The following PCDH15 variants were observed in gnomAD, a reference collection of about 807,000 sequenced individuals.
The protein encoded by PCDH15 is protocadherin-15.
Under a neutral mutation model 178.5 loss-of-function variants are expected in PCDH15, and 129 were observed. The ratio of observed to expected loss-of-function variants is 0.72; its 90% CI spans 0.63 to 0.84. The LOEUF is 0.84. PCDH15 is among the 40% of genes least tolerant of loss of function. The probability of loss-of-function intolerance (pLI) is 0.00; values close to 1 mark genes in which losing one functional copy is unlikely to be tolerated. For synonymous variants in PCDH15, 800 were observed against 732.0 expected (o/e 1.09, Z -1.50); for missense variants, 2,230 against 2,099.9 (o/e 1.06, Z -1.21).
chr10:55,364,269 C>T (rs1431035314), intron 2 of PCDH15, among the ~76,000 whole-genome samples: 1 of 152,134 alleles, frequency 6.6e-6, no homozygotes, highest in African/African-American at 2.4e-5. Context: ...ATTACCCAGT[C>T]TCAGGCAGTT....
chr10:54,118,961 G>C (rs1275522980), intron 15 of PCDH15, among the ~76,000 whole-genome samples: 1 of 152,032 alleles, frequency 6.6e-6, no homozygotes, highest in African/African-American at 2.4e-5. Context: ...CCACGATGGT[G>C]TCCAGTTGAT....
At chr10:54,417,883 A>C (rs1196741083) in intron 3 of PCDH15, among the ~76,000 whole-genome samples, 1 of 152,166 alleles carries the variant, frequency 6.6e-6, no homozygotes, top group African/African-American at 2.4e-5. Context: ...GTTATGGTTC[A>C]CAGGTACACA....
intron 2 of PCDH15, among the ~76,000 whole-genome samples, chr10:54,551,724 G>T (rs1177783204): frequency 1.3e-5 from 2 of 151,916 alleles, no homozygotes; most frequent in African/African-American, 4.8e-5. Flanking sequence ...TTTTTTAAAA[G>T]AACTTTCATC....
intron 2 of PCDH15, among the ~76,000 whole-genome samples, chr10:54,547,752 T>A (rs995762547): frequency 3.3e-5 from 5 of 152,106 alleles, no homozygotes; most frequent in African/African-American, 1.2e-4. Context: ...CTGGCATATC[T>A]CTCTTGGTGC....
intron 1 of PCDH15, among the ~76,000 whole-genome samples, chr10:54,684,475 T>C (rs1328998967): frequency 6.6e-6 from 1 of 152,062 alleles, no homozygotes; most frequent in African/African-American, 2.4e-5. Context: ...ATGTGGCATT[T>C]AGTCAAATGT....
chr10:55,239,549 T>G (rs1841486924), intron 1 of PCDH15, among the ~76,000 whole-genome samples: 1 of 152,116 alleles, frequency 6.6e-6, no homozygotes, highest in African/African-American at 2.4e-5. Flanking sequence ...ATATCAAAAC[T>G]GATTAAACAC....
At chr10:54,625,586 T>C (rs1044497454) in intron 2 of PCDH15, among the ~76,000 whole-genome samples, 2 of 152,190 alleles carry the variant, frequency 1.3e-5, no homozygotes, top group African/African-American at 4.8e-5. Context: ...CCTGCTGCCA[T>C]CCATGTAAGA....
chr10:55,036,344 T>C (rs1840733567), intron 2 of PCDH15, among the ~76,000 whole-genome samples: 1 of 152,198 alleles, frequency 6.6e-6, no homozygotes, highest in Admixed American at 6.5e-5. Flanking sequence ...GAAATAACTA[T>C]TACACTTATT....
chr10:55,223,069 C>T (rs1840930923), intron 1 of PCDH15, among the ~76,000 whole-genome samples: 1 of 151,986 alleles, frequency 6.6e-6, no homozygotes, highest in Non-Finnish European at 1.5e-5. Context: ...CTGTGCAGTC[C>T]ATTAGGTTAT....
intron 14 of PCDH15, among the ~76,000 whole-genome samples, chr10:54,136,908 G>C (rs2042954197): frequency 6.6e-6 from 1 of 152,126 alleles, no homozygotes. Context: ...ATTTGGAGGA[G>C]ATCATATATT....
At chr10:54,890,957 T>C (rs190785431) in intron 3 of PCDH15, among the ~76,000 whole-genome samples, 118 of 152,128 alleles carry the variant, frequency 7.8e-4, no homozygotes, top group African/African-American at 2.6e-3. Flanking sequence ...TATAAAGATA[T>C]TGCATCACAC....
chr10:55,351,067 GCCT>G (rs1360816492), intron 2 of PCDH15, among the ~76,000 whole-genome samples: 259 of 113,864 alleles, frequency 2.3e-3, no homozygotes, highest in African/African-American at 5.1e-3. Context: ...CCCCGCTGCT[GCCT>G]CCTCCTCCTC....
chr10:54,917,445 C>T (rs544786919), intron 2 of PCDH15, among the ~76,000 whole-genome samples: 2 of 152,260 alleles, frequency 1.3e-5, no homozygotes, highest in African/African-American at 4.8e-5. Flanking sequence ...TTCCTTACCA[C>T]CAGTATTGTG....
At chr10:54,039,552 A>T (rs535962734) in intron 18 of PCDH15, among the ~76,000 whole-genome samples, 43 of 152,144 alleles carry the variant, frequency 2.8e-4, no homozygotes, top group African/African-American at 9.6e-4. Flanking sequence ...AAGGAAAAAC[A>T]TACTTCAGAT....
intron 8 of PCDH15, among the ~76,000 whole-genome samples, chr10:54,269,231 A>G (rs577652322): frequency 6.6e-6 from 1 of 152,068 alleles, no homozygotes; most frequent in African/African-American, 2.4e-5. Context: ...ACAAACCAAT[A>G]GGTGTTTTTC....
At chr10:55,518,821 C>G (rs764143897) in intron 2 of PCDH15, among the ~76,000 whole-genome samples, 2 of 151,880 alleles carry the variant, frequency 1.3e-5, no homozygotes, top group African/African-American at 4.8e-5. Context: ...TGGGCCGGGG[C>G]GTGGTGGCTC....
intron 2 of PCDH15, among the ~76,000 whole-genome samples, chr10:54,926,685 G>T (rs140962260): frequency 0.012 from 1,822 of 152,052 alleles, 43 homozygotes; most frequent in African/African-American, 0.041. Flanking sequence ...TCTTGCGAGG[G>T]TATATGTGTT....
At chr10:54,236,730 TTTG>T in intron 9 of PCDH15, 90 bp downstream of exon 9, 1 of 1,059,108 alleles carries the variant, frequency 9.4e-7, no homozygotes, top group Non-Finnish European at 1.5e-6. Context: ...AATAATAAAC[TTTG>T]TTATTTAAAA....
chr10:54,152,972 GTCTC>G (rs1564544742), intron 14 of PCDH15, 124 bp downstream of exon 14: 32 of 1,130,252 alleles, frequency 2.8e-5, no homozygotes, highest in South Asian at 2.7e-4. Context: ...TGAGAATCTG[GTCTC>G]TCTGATTTTC....
Sources: allele counts gnomAD v4.1 joint callset (sites outside exome capture counted in the v4.1 genomes callset), GRCh38; gene constraint gnomAD v4.1.1; transcripts MANE v1.5; gene names NCBI Gene and HGNC (gene_info 2026-07-23, HGNC 2026-07-21).